WDR83: variants seen among roughly 807,000 people sequenced by gnomAD.
WDR83 encodes the protein WD repeat domain 83.
WDR83 carries 37 observed loss-of-function variants against 37.7 expected under a neutral mutation model. The ratio of observed to expected loss-of-function variants is 0.98; its 90% confidence interval spans 0.76 to 1.29. The LOEUF (loss-of-function observed/expected upper bound fraction) is 1.29, where lower values mean the gene tolerates loss of function less well. Among genes scored for constraint, WDR83 ranks in the 50% most tolerant of loss-of-function variants. The pLI is 0.00. For missense variants in WDR83, 445 were observed against 414.4 expected, an observed-to-expected ratio of 1.07 and a Z score of -0.64; for synonymous variants, 174 against 181.1, an observed-to-expected ratio of 0.96 and a Z score of 0.31.
chr19:12,672,097 G>A (rs960398907), intron 7 of WDR83, among the ~76,000 whole-genome samples: 1 of 152,192 alleles, frequency 6.6e-6, no homozygotes, highest in Admixed American at 6.6e-5. Flanking sequence ...GATTGATCTT[G>A]GTGTCTCACA....
At chr19:12,669,397 T>G in intron 2 of WDR83, 1 of 1,598,090 alleles carries the variant, frequency 6.3e-7, no homozygotes, top group Non-Finnish European at 8.5e-7. Flanking sequence ...ATATTGTTAG[T>G]GGACATAGCG....
In WDR83 at chr19:12,669,800, C is replaced by T. The variant is rs780576225; in HGVS notation, c.10C>T (p.Pro4Ser). MAF[P>S]EPKPRPPELP... ...AAGGAGTCCTGGGAGCATGGCTTTC[C>T]CTGAGCCAAAGCCGCGGCCTCCAGA... Residue 4 changes from proline (P) to serine (S), a missense_variant, in exon 3 of 11, where the codon CCT (proline) becomes TCT (serine). Transcript: ENST00000418543. The T allele has an allele frequency of 4.4e-6, 7 of 1,607,194 alleles. No homozygotes were observed. The Admixed American group carries it at 1.0e-4, about 23-fold the overall frequency.
At chr19:12,672,133 CA>C (rs1323078814) in intron 7 of WDR83, 1 of 152,392 alleles carries the variant, frequency 6.6e-6, no homozygotes, top group East Asian at 1.9e-4. Context: ...AGAAAATCCA[CA>C]TATAAGTGGA....
Position 12,670,610 on chromosome 19 carries a change from C to A in WDR83, c.378C>A (p.Ser126=), listed in dbSNP as rs1385565409. 6.2e-6 allele frequency: 10 copies of A among 1,614,204 alleles called. No individual in the cohort carries two copies. The highest frequency in any genetic ancestry group is 8.5e-6 in the Non-Finnish European group (10 of 1,180,030). The change falls in exon 6 of 11, where the codon TCC becomes TCA. Residue 126 remains serine (S), a splice_region_variant and synonymous_variant. Transcript: ENST00000418543. ...QFNEEATVIL[S]GSIDSSIRCW... ...ATGAAGAGGCCACAGTTATCCTGTC[C>A]GGTGAGTCTGGGGCCTAAGCACGGG...
chr19:12,671,041 A>C (rs1012591593), intron 7 of WDR83: 18 of 645,870 alleles, frequency 2.8e-5, no homozygotes, highest in Middle Eastern at 5.0e-4. Context: ...AAATAATAAT[A>C]ATCTGGCCGG....
At chr19:12,667,293 A>G (rs531154356) in intron 1 of WDR83, among the ~76,000 whole-genome samples, 2 of 152,278 alleles carry the variant, frequency 1.3e-5, no homozygotes, top group South Asian at 2.1e-4. Flanking sequence ...GCCTTTCCCA[A>G]TTCCTACCAG....
chr19:12,673,217 G>A lies in WDR83; in HGVS notation c.699G>A (p.Lys233=), dbSNP rs762055867. 2 of 1,613,900 alleles carry A rather than the reference G, an allele frequency of 1.2e-6. No homozygotes were observed. Among genetic ancestry groups the A allele is most frequent in the Non-Finnish European group, 1.7e-6 (2 of 1,179,998 alleles). ...GELLGEYKGH[K]NQEYKLDCCL... ...CCACCCTTAGGTACAAGGGCCATAA[G>A]AACCAGGAATACAAGCTGGACTGCT... is the stretch of plus-strand genomic sequence containing the variant. The change falls in exon 10 of 11, where the codon AAG becomes AAA. Residue 233 remains lysine, a synonymous_variant. Transcript: ENST00000418543.
intron 7 of WDR83, chr19:12,671,228 G>C (rs1459703064): frequency 1.1e-5 from 2 of 175,654 alleles, no homozygotes; most frequent in African/African-American, 4.7e-5. Flanking sequence ...CTCGGGAGGC[G>C]GAGGCAGGAG....
chr19:12,674,556 G>A (rs1385767543), intron 10 of WDR83, among the ~76,000 whole-genome samples: 1 of 152,198 alleles, frequency 6.6e-6, no homozygotes, highest in Non-Finnish European at 1.5e-5. Flanking sequence ...TGCCTTGGAG[G>A]GCAGGCACAT....
At position 12,675,386 on chromosome 19, in the gene WDR83, T is replaced by C. The variant is rs182428943; in HGVS notation, c.799-137T>C. 1,052 of 1,249,180 alleles carry C rather than the reference T, an allele frequency of 8.4e-4. 6 individuals carry two copies. The African/African-American group carries it at 0.014, about 17-fold the overall frequency. 77.4% of individuals were successfully genotyped at this position (1,249,180 alleles called of 1,614,324 possible). On this transcript the variant is annotated intron_variant, in intron 10 of 10. Coordinates refer to ENST00000418543, the MANE Select transcript of WDR83 (RefSeq NM_001099737.3). ...TAATTTTGCAGTGTCTAGGAGGCAA[T>C]TAGAGGCAGGTGGCTGAAGGTCGGG...
In WDR83 at chr19:12,668,591, G is replaced by A; in HGVS notation, c.-73G>A. 1 of 1,614,114 alleles carries A rather than the reference G, an allele frequency of 6.2e-7. No homozygotes were observed. The highest frequency in any genetic ancestry group is 8.5e-7 in the Non-Finnish European group (1 of 1,180,016). On this transcript the variant is annotated 5_prime_UTR_variant, in exon 2 of 11. The change abolishes the stop of an existing upstream ORF in the 5' untranslated region. Transcript: ENST00000418543. ...TGGCAAAGCTGATGAAGGAGCAGTA[G>A]ACAGCGACCCAAGCACACCACTTCA...
At chr19:12,669,071 G>GC in intron 2 of WDR83, 1 of 1,571,574 alleles carries the variant, frequency 6.4e-7, no homozygotes, top group Non-Finnish European at 8.7e-7. Flanking sequence ...TTCCAAACCC[G>GC]CCCCCGGGCC....
intron 2 of WDR83, 151 bp from the exon 3 acceptor site, chr19:12,669,604 G>T (rs777148778): frequency 7.3e-5 from 67 of 914,286 alleles, no homozygotes; most frequent in Non-Finnish European, 1.0e-4. Context: ...ATGGGGAAAA[G>T]AACCTGAAAG....
chr19:12,667,833 GAAA>G (rs767976413), intron 1 of WDR83, among the ~76,000 whole-genome samples: 1 of 142,096 alleles, frequency 7.0e-6, no homozygotes, highest in African/African-American at 2.6e-5. Context: ...TCTTAAAAAG[GAAA>G]AAAAAAAAAG....
In WDR83 at chr19:12,675,720, A is replaced by G. The variant is rs747137345; in HGVS notation, c.*48A>G. 2.0e-5 allele frequency: 32 copies of G among 1,592,118 alleles called. 1 individual carries two copies. In the South Asian group the frequency reaches 3.6e-4, roughly 18 times the overall value. On this transcript the variant is annotated 3_prime_UTR_variant, in exon 11 of 11. Transcript: ENST00000418543. ...ACCAAGGACCGAGACACAGACATGGAAGGACTTCAGATACCATCTTATTCT... is the reference window on the plus strand; with the variant it reads ...ACCAAGGACCGAGACACAGACATGGGAGGACTTCAGATACCATCTTATTCT...
At position 12,666,853 on chromosome 19, in the gene WDR83, C is replaced by A; in HGVS notation, c.-296C>A. On this transcript the variant is annotated 5_prime_UTR_variant, in exon 1 of 11. Coordinates refer to ENST00000418543, the MANE Select transcript of WDR83 (RefSeq NM_001099737.3). Reference sequence around the variant, plus strand: ...GAGAGGCTGTAGCCCTGGGCAATCCCGGGGGTCGTTACAGGAAGGTAGGAA... The same window carrying A: ...GAGAGGCTGTAGCCCTGGGCAATCCAGGGGGTCGTTACAGGAAGGTAGGAA... 2.7e-6 allele frequency: 2 copies of A among 732,828 alleles called. No homozygotes were observed. 45.4% of individuals were successfully genotyped at this position (732,828 alleles called of 1,614,324 possible). A position where few individuals can be genotyped will look rare whatever the true frequency, so the allele number is the denominator to read the frequency against.
chr19:12,668,642 A>G lies in WDR83; in HGVS notation c.-37+15A>G, dbSNP rs1295720452. On this transcript the variant is annotated intron_variant, in intron 2 of 10. Coordinates refer to ENST00000418543, the MANE Select transcript of WDR83 (RefSeq NM_001099737.3). ...GCTAGGGAAAGGTAAGTGGGTGGGCAGGTTAGTGAAAGGCACAACAATGAG... is the reference window on the plus strand; with the variant it reads ...GCTAGGGAAAGGTAAGTGGGTGGGCGGGTTAGTGAAAGGCACAACAATGAG... The G allele has an allele frequency of 6.2e-7, 1 of 1,605,166 alleles. No individual in the cohort carries two copies. Among genetic ancestry groups the G allele is most frequent in the Non-Finnish European group, 8.5e-7 (1 of 1,172,940 alleles).
rs749342850 is a variant in WDR83 at position 12,670,013 on chromosome 19, A to G, written c.140A>G (p.Lys47Arg). The change falls in exon 4 of 11, where the codon AAG (lysine) becomes AGG (arginine). Residue 47 changes from lysine to arginine, a missense_variant. Coordinates refer to ENST00000418543, the MANE Select transcript of WDR83 (RefSeq NM_001099737.3). ...GNYCLTCGSD[K>R]TLKLWNPLRG... ...TACTGCCTGACGTGCGGCAGTGACA[A>G]GACGCTGAAGCTGTGGAACCCGCTT... 29 of 1,612,726 alleles carry G rather than the reference A, an allele frequency of 1.8e-5. No individual in the cohort carries two copies. The Admixed American group carries it at 4.7e-4, about 26-fold the overall frequency.
chr19:12,668,648 G>A, intron 2 of WDR83, 21 bp downstream of exon 2: 3 of 1,591,364 alleles, frequency 1.9e-6, no homozygotes, highest in Non-Finnish European at 2.6e-6. Flanking sequence ...GGGCAGGTTA[G>A]TGAAAGGCAC....
Sources: gnomAD v4.1 joint callset for allele counts (sites outside exome capture counted in the v4.1 genomes callset) on GRCh38, gnomAD v4.1.1 for gene constraint, MANE v1.5 for transcripts, NCBI Gene and HGNC (gene_info 2026-07-23, HGNC 2026-07-21) for gene names.